Variants in ASTN2 observed in about 807,000 individuals in gnomAD.
ASTN2 encodes the protein astrotactin-2.
ASTN2 carries 54 observed loss-of-function variants against 139.8 expected under a neutral mutation model. That is an observed-to-expected ratio of 0.39 (90% CI 0.31 to 0.48). ASTN2 has a LOEUF of 0.48. Among genes scored for constraint, ASTN2 ranks in the 20% least tolerant of loss-of-function variants. The probability of loss-of-function intolerance (pLI) is 0.95; values close to 1 mark genes in which losing one functional copy is unlikely to be tolerated. For missense variants in ASTN2, 1,565 were observed against 1,725.1 expected (o/e 0.91, Z 1.64); for synonymous variants, 756 against 719.5 (o/e 1.05, Z -0.81).
At chr9:117,402,291 T>C (rs1830854020) in intron 1 of ASTN2, among the ~76,000 whole-genome samples, 1 of 152,130 alleles carries the variant, frequency 6.6e-6, no homozygotes, top group Non-Finnish European at 1.5e-5. Flanking sequence ...GGTCTCAAAC[T>C]CCTGACCTAA....
intron 5 of ASTN2, among the ~76,000 whole-genome samples, chr9:117,082,929 T>G (rs1204079224): frequency 1.3e-5 from 2 of 152,230 alleles, no homozygotes; most frequent in Non-Finnish European, 2.9e-5. Context: ...CTCGTCCATA[T>G]TTCAGGTATA....
intron 3 of ASTN2, among the ~76,000 whole-genome samples, chr9:117,162,717 A>G (rs1176017977): frequency 1.3e-5 from 2 of 152,124 alleles, no homozygotes; most frequent in African/African-American, 4.8e-5. Flanking sequence ...TTAAATGAGT[A>G]AATATAGGTA....
At chr9:116,783,738 A>G (rs561099000) in intron 13 of ASTN2, among the ~76,000 whole-genome samples, 1 of 152,184 alleles carries the variant, frequency 6.6e-6, no homozygotes, top group African/African-American at 2.4e-5. Flanking sequence ...GTGTAGAAGG[A>G]AGGCGAAATA....
intron 17 of ASTN2, among the ~76,000 whole-genome samples, chr9:116,649,774 A>C (rs1012038237): frequency 1.3e-5 from 2 of 152,134 alleles, no homozygotes; most frequent in African/African-American, 4.8e-5. Context: ...TCTGCCACAC[A>C]ATCTAATCCC....
At position 116,472,449 on chromosome 9, in the gene ASTN2, AC is replaced by A. The variant is rs1848841583; in HGVS notation, c.3497+14909del. Among the ~76,000 whole-genome samples, 3 of 151,822 alleles carry A rather than the reference AC, an allele frequency of 2.0e-5. No individual in the cohort carries two copies. The South Asian group carries it at 6.3e-4, about 32-fold the overall frequency. On this transcript the variant is annotated intron_variant, in intron 20 of 22. Transcript: ENST00000313400. ...TTTATTATGGGGCAAATCACCTTCT[AC>A]CCCCAATATGATTAGCTGCTTAAAA...
At chr9:117,128,371 CAAAAAAAAAAAAAAAA>C (rs1167187783) in intron 4 of ASTN2, among the ~76,000 whole-genome samples, 7 of 66,414 alleles carry the variant, frequency 1.1e-4, no homozygotes, top group East Asian at 5.4e-4. Context: ...GACACTGTCT[CAAAAAAAAAAAAAAAA>C]AAAAAAAAAA....
At chr9:116,535,085 T>C (rs1851552990) in intron 19 of ASTN2, among the ~76,000 whole-genome samples, 1 of 152,266 alleles carries the variant, frequency 6.6e-6, no homozygotes, top group Non-Finnish European at 1.5e-5. Context: ...TTAGCTCTTC[T>C]TGTTGAATTG....
intron 1 of ASTN2, among the ~76,000 whole-genome samples, chr9:117,392,473 C>CTGTT (rs1311924890): frequency 2.0e-5 from 3 of 152,006 alleles, no homozygotes; most frequent in Admixed American, 6.6e-5. Flanking sequence ...TTGTTTTGTA[C>CTGTT]TGTTTGTTTG....
intron 20 of ASTN2, among the ~76,000 whole-genome samples, chr9:116,480,636 G>A (rs1849136973): frequency 6.6e-6 from 1 of 152,162 alleles, no homozygotes; most frequent in Non-Finnish European, 1.5e-5. Flanking sequence ...GTGCATGACA[G>A]GCAGGTAGAT....
chr9:116,757,555 G>A (rs1829565779), intron 13 of ASTN2, among the ~76,000 whole-genome samples: 1 of 152,046 alleles, frequency 6.6e-6, no homozygotes, highest in African/African-American at 2.4e-5. Context: ...AGAATTTCAT[G>A]GTGAGACACA....
chr9:116,586,248 A>G (rs187701778), intron 19 of ASTN2: 1 of 152,342 alleles, frequency 6.6e-6, no homozygotes, highest in African/African-American at 2.4e-5. Flanking sequence ...AGATTTCTCA[A>G]AGAACTTAGA....
At chr9:116,661,629 TAA>T (rs1198630474) in intron 16 of ASTN2, among the ~76,000 whole-genome samples, 1 of 152,118 alleles carries the variant, frequency 6.6e-6, no homozygotes, top group Admixed American at 6.6e-5. Context: ...AGCAGGATCT[TAA>T]AGAAGACAGT....
intron 1 of ASTN2, among the ~76,000 whole-genome samples, chr9:117,314,109 C>T (rs1374342645): frequency 6.6e-6 from 1 of 152,160 alleles, no homozygotes; most frequent in Non-Finnish European, 1.5e-5. Context: ...AGACACCTTG[C>T]TGAAAAAGAT....
chr9:116,835,555 C>T (rs961820190), intron 11 of ASTN2, among the ~76,000 whole-genome samples: 1 of 152,142 alleles, frequency 6.6e-6, no homozygotes, highest in African/African-American at 2.4e-5. Flanking sequence ...GAACTTTGGT[C>T]TCCACAATCT....
At position 117,098,155 on chromosome 9, in the gene ASTN2, C is replaced by A. The variant is rs192275443; in HGVS notation, c.1169-2004G>T. On this transcript the variant is annotated intron_variant, in intron 4 of 22. Transcript: ENST00000313400. The stretch of plus-strand genomic sequence containing the variant: ...CCTTAAAACCACTCATGAGCGAACC[C>A]TGAAAGAGCAGATCATCCTTCGAGT... Among the ~76,000 whole-genome samples the A allele has an allele frequency of 2.9e-4, 44 of 152,300 alleles. No homozygotes were observed. The East Asian group carries it at 7.9e-3, about 27-fold the overall frequency.
intron 13 of ASTN2, among the ~76,000 whole-genome samples, chr9:116,791,021 AAG>A (rs1308751673): frequency 4.3e-4 from 55 of 128,828 alleles, no homozygotes; most frequent in African/African-American, 1.5e-3. Context: ...GAAAGAAAGA[AAG>A]AAAGAAAGAA....
At chr9:116,657,390 T>C (rs1858283148) in intron 16 of ASTN2, among the ~76,000 whole-genome samples, 1 of 152,238 alleles carries the variant, frequency 6.6e-6, no homozygotes, top group Non-Finnish European at 1.5e-5. Flanking sequence ...TACATTGCTG[T>C]TGTTGTTACA....
intron 6 of ASTN2, among the ~76,000 whole-genome samples, chr9:117,038,032 T>C (rs1302108991): frequency 6.6e-6 from 1 of 152,170 alleles, no homozygotes; most frequent in Admixed American, 6.5e-5. Flanking sequence ...ATAAGAGATA[T>C]AAGTTCTGAA....
chr9:116,621,377 T>C (rs1856137560), intron 17 of ASTN2, among the ~76,000 whole-genome samples: 1 of 151,850 alleles, frequency 6.6e-6, no homozygotes, highest in African/African-American at 2.4e-5. Context: ...AATGTTCTAT[T>C]TAATTGGAAT....
Sources: allele counts gnomAD v4.1 joint callset (sites outside exome capture counted in the v4.1 genomes callset), GRCh38; gene constraint gnomAD v4.1.1; transcripts MANE v1.5; gene names NCBI Gene and HGNC (gene_info 2026-07-23, HGNC 2026-07-21).